The following FZD7 variants were observed in gnomAD, a reference collection of about 807,000 sequenced individuals.
The protein encoded by FZD7 is frizzled class receptor 7, also known as frizzled-7.
A neutral mutation model predicts 39.0 loss-of-function variants in FZD7; 21 were observed. The observed-to-expected ratio is 0.54, with a 90% CI of 0.38 to 0.78. The LOEUF is 0.78. FZD7 is among the 30% of genes least tolerant of loss of function. The pLI is 0.00. For synonymous variants in FZD7, 428 were observed against 364.9 expected, an observed-to-expected ratio of 1.17 and a Z score of -1.97; for missense variants, 695 against 805.0, an observed-to-expected ratio of 0.86 and a Z score of 1.65.
chr2:202,034,721 C>G lies in FZD7; in HGVS notation c.74C>G (p.Ala25Gly), dbSNP rs749235803. ...GCCCTGGTGCTGGCGCTGCTGGGCG[C>G]ACTGTCCGCGGGCGCCGGGGCGCAG... ...LCALVLALLG[A>G]LSAGAGAQPY... Residue 25 changes from alanine to glycine, a missense_variant, in exon 1 of 1, where the codon GCA becomes GGA. Ala to Gly is a moderately conservative substitution (Grantham distance 60). Transcript: ENST00000286201. The G allele has an allele frequency of 1.3e-5, 21 of 1,611,088 alleles. No individual in the cohort carries two copies. The highest frequency in any genetic ancestry group is 1.6e-5 in the Non-Finnish European group (19 of 1,179,670).
At position 202,036,100 on chromosome 2, in the gene FZD7, G is replaced by A; in HGVS notation, c.1453G>A (p.Val485Ile). 1 of 1,613,916 alleles carries A rather than the reference G, an allele frequency of 6.2e-7. No individual in the cohort carries two copies. Among genetic ancestry groups the A allele is most frequent in the Non-Finnish European group, 8.5e-7 (1 of 1,180,030 alleles). ...SVLYTVPATI[V>I]LACYFYEQAF... Reference sequence around the variant, plus strand: ...GCTCTACACAGTGCCCGCCACCATCGTCCTGGCCTGCTACTTCTACGAGCA... The same window carrying A: ...GCTCTACACAGTGCCCGCCACCATCATCCTGGCCTGCTACTTCTACGAGCA... Residue 485 changes from valine to isoleucine, a missense_variant, in exon 1 of 1, where the codon GTC (valine) becomes ATC (isoleucine). By Grantham distance (29) the Val-to-Ile change is conservative. Transcript: ENST00000286201.
rs910921576 is a variant in FZD7 at position 202,033,927 on chromosome 2, C to G, written c.-721C>G. On this transcript the variant is annotated 5_prime_UTR_variant, in exon 1 of 1. Transcript: ENST00000286201. ...CGGGCGCCAGGACTCGCTGCTGGGG[C>G]TGCGAGGGGCTGGAGGGGCCGGGGC... Among the ~76,000 whole-genome samples, 1 of 149,822 alleles carries G rather than the reference C, an allele frequency of 6.7e-6. No individual in the cohort carries two copies. The highest frequency in any genetic ancestry group is 1.5e-5 in the Non-Finnish European group (1 of 67,104).
Position 202,034,631 on chromosome 2 carries a change from T to C in FZD7, c.-17T>C, listed in dbSNP as rs769824991. The stretch of plus-strand genomic sequence containing the variant: ...GCACTCCTCAGGCTGAGAGCACCGC[T>C]GCACTCGCGGCCGGCGATGCGGGAC... On this transcript the variant is annotated 5_prime_UTR_variant, in exon 1 of 1. Coordinates refer to ENST00000286201, the MANE Select transcript of FZD7 (RefSeq NM_003507.2). 7 of 1,536,540 alleles carry C rather than the reference T, an allele frequency of 4.6e-6. No individual in the cohort carries two copies. Among genetic ancestry groups the C allele is most frequent in the African/African-American group, 1.4e-5 (1 of 72,694 alleles).
chr2:202,036,475 C>A lies in FZD7; in HGVS notation c.*103C>A. 3.4e-6 allele frequency: 3 copies of A among 893,128 alleles called. No individual in the cohort carries two copies. The highest frequency in any genetic ancestry group is 1.7e-5 in the South Asian group (1 of 57,232). 55.3% of individuals were successfully genotyped at this position (893,128 alleles called of 1,614,324 possible). A position where few individuals can be genotyped will look rare whatever the true frequency, so the allele number is the denominator to read the frequency against. ...TGGGGGCCTGTTTCTGTAACTTTCT[C>A]CCCCTCTACTGAGAAGTGACCTGGA... On this transcript the variant is annotated 3_prime_UTR_variant, in exon 1 of 1. Coordinates refer to ENST00000286201, the MANE Select transcript of FZD7 (RefSeq NM_003507.2).
rs906022882 is a variant in FZD7 at position 202,038,022 on chromosome 2, C to T, written c.*1650C>T. On this transcript the variant is annotated 3_prime_UTR_variant, in exon 1 of 1. Transcript: ENST00000286201. ...ACCTTTATCCCACCTTTGACACTACCCTCCAATCTTGCAACACTATCCTGT... is the reference window on the plus strand; with the variant it reads ...ACCTTTATCCCACCTTTGACACTACTCTCCAATCTTGCAACACTATCCTGT... 6.0e-6 allele frequency: 1 copy of T among 167,036 alleles called. No individual in the cohort carries two copies. The highest frequency in any genetic ancestry group is 1.5e-5 in the Non-Finnish European group (1 of 68,112). 10.3% of individuals were successfully genotyped at this position (167,036 alleles called of 1,614,324 possible).
In FZD7 at chr2:202,034,278, C is replaced by T. The variant is rs1395913783; in HGVS notation, c.-370C>T. Among the ~76,000 whole-genome samples, 2 of 151,726 alleles carry T rather than the reference C, an allele frequency of 1.3e-5. No homozygotes were observed. The highest frequency in any genetic ancestry group is 2.9e-5 in the Non-Finnish European group (2 of 67,870). The stretch of plus-strand genomic sequence containing the variant: ...GGGGGGCGTGCGCGCTGCGGTGCGC[C>T]GGGGGTCCAGAGTCTTGGGCAAACT... On this transcript the variant is annotated 5_prime_UTR_variant, in exon 1 of 1. Coordinates refer to ENST00000286201, the MANE Select transcript of FZD7 (RefSeq NM_003507.2).
At position 202,034,868 on chromosome 2, in the gene FZD7, C is replaced by A; in HGVS notation, c.221C>A (p.Thr74Lys). ...ATCCTGCCCAACCTGCTGGGCCACA[C>A]GAACCAAGAGGACGCGGGCCTCGAG... ...QTILPNLLGHTNQEDAGLEVH... is the reference protein window; with the variant it reads ...QTILPNLLGHKNQEDAGLEVH... The change falls in exon 1 of 1, where the codon ACG becomes AAG. Residue 74 changes from threonine to lysine, a missense_variant. Coordinates refer to ENST00000286201, the MANE Select transcript of FZD7 (RefSeq NM_003507.2). 1 of 1,614,180 alleles carries A rather than the reference C, an allele frequency of 6.2e-7. No individual in the cohort carries two copies. Among genetic ancestry groups the A allele is most frequent in the African/African-American group, 1.3e-5 (1 of 75,060 alleles).
rs1688722813 is a variant in FZD7, at chr2:202,035,429, C to G, written c.782C>G (p.Ser261Cys). ...GCCCGCCTCTGGGTGGGCGTGTGGT[C>G]CGTGCTGTGCTGCGCCTCGACGCTC... ...RFARLWVGVW[S>C]VLCCASTLFT... The change falls in exon 1 of 1, where the codon TCC becomes TGC. Residue 261 changes from serine to cysteine, a missense_variant. Coordinates refer to ENST00000286201, the MANE Select transcript of FZD7 (RefSeq NM_003507.2). 1.2e-6 allele frequency: 2 copies of G among 1,613,980 alleles called. No homozygotes were observed. Among genetic ancestry groups the G allele is most frequent in the Non-Finnish European group, 8.5e-7 (1 of 1,179,980 alleles).
rs370363821 is a variant in FZD7, at chr2:202,034,482, G to C, written c.-166G>C. 10 of 423,392 alleles carry C rather than the reference G, an allele frequency of 2.4e-5. No homozygotes were observed. In the South Asian group the frequency reaches 3.6e-4, roughly 15 times the overall value. The allele number at this position is 423,392 out of a possible 1,614,324, so 26.2% of individuals were successfully genotyped here. On this transcript the variant is annotated 5_prime_UTR_variant, in exon 1 of 1. Transcript: ENST00000286201. ...CGTCTGCGGCGCCTTCGCGGCGCGG[G>C]CACCCAGGCGGCAGCGCCCTTTGCT...
At position 202,036,602 on chromosome 2, in the gene FZD7, G is replaced by A; in HGVS notation, c.*230G>A. On this transcript the variant is annotated 3_prime_UTR_variant, in exon 1 of 1. Coordinates refer to ENST00000286201, the MANE Select transcript of FZD7 (RefSeq NM_003507.2). ...AAAGATTTCAGGCAAAGACTTGCAG[G>A]AAGATGATGATAACGGCGATGTGAA... is the stretch of plus-strand genomic sequence containing the variant. The A allele has an allele frequency of 1.8e-6, 1 of 562,190 alleles. No individual in the cohort carries two copies. 34.8% of individuals were successfully genotyped at this position (562,190 alleles called of 1,614,324 possible).
Position 202,036,554 on chromosome 2 carries a change from T to A in FZD7, c.*182T>A, listed in dbSNP as rs1239526742. On this transcript the variant is annotated 3_prime_UTR_variant, in exon 1 of 1. Coordinates refer to ENST00000286201, the MANE Select transcript of FZD7 (RefSeq NM_003507.2). ...GAGGGGTGATTTGGAAAAGAAGACC[T>A]GGGTGGAAAGCGGTTTGGATGAAAA... 5.0e-6 allele frequency: 3 copies of A among 600,744 alleles called. No homozygotes were observed. Among genetic ancestry groups the A allele is most frequent in the Non-Finnish European group, 9.0e-6 (3 of 333,978 alleles). 37.2% of individuals were successfully genotyped at this position (600,744 alleles called of 1,614,324 possible). A position where few individuals can be genotyped will look rare whatever the true frequency, so the allele number is the denominator to read the frequency against.
rs1688742127 is a variant in FZD7, at chr2:202,036,344, A to G, written c.1697A>G (p.His566Arg). The change falls in exon 1 of 1, where the codon CAC becomes CGC. Residue 566 changes from histidine (H) to arginine (R), a missense_variant. Transcript: ENST00000286201. ...SWRRFYHRLSHSSKGETAV is the reference protein window; with the variant it reads ...SWRRFYHRLSRSSKGETAV ...CGCCGCTTCTACCACAGACTTAGCC[A>G]CAGCAGCAAGGGGGAGACTGCGGTA... 1.2e-6 allele frequency: 2 copies of G among 1,612,392 alleles called. No homozygotes were observed. Among genetic ancestry groups the G allele is most frequent in the Non-Finnish European group, 1.7e-6 (2 of 1,179,614 alleles).
rs779864644 is a variant in FZD7 at position 202,034,635 on chromosome 2, C to G, written c.-13C>G. On this transcript the variant is annotated 5_prime_UTR_variant, in exon 1 of 1. Coordinates refer to ENST00000286201, the MANE Select transcript of FZD7 (RefSeq NM_003507.2). ...TCCTCAGGCTGAGAGCACCGCTGCA[C>G]TCGCGGCCGGCGATGCGGGACCCCG... 1 of 1,538,912 alleles carries G rather than the reference C, an allele frequency of 6.5e-7. No individual in the cohort carries two copies. The highest frequency in any genetic ancestry group is 2.3e-5 in the East Asian group (1 of 44,308).
In FZD7 at chr2:202,036,116, T is replaced by A; in HGVS notation, c.1469T>A (p.Phe490Tyr). ...VPATIVLACY[F>Y]YEQAFREHWE... is the part of the protein sequence containing the mutation. ...GCCACCATCGTCCTGGCCTGCTACT[T>A]CTACGAGCAGGCCTTCCGCGAGCAC... The change falls in exon 1 of 1, where the codon TTC becomes TAC. Residue 490 changes from phenylalanine (F) to tyrosine (Y), a missense_variant. By Grantham distance (22) the Phe-to-Tyr change is conservative. Coordinates refer to ENST00000286201, the MANE Select transcript of FZD7 (RefSeq NM_003507.2). 1 of 1,613,910 alleles carries A rather than the reference T, an allele frequency of 6.2e-7. No homozygotes were observed. The highest frequency in any genetic ancestry group is 8.5e-7 in the Non-Finnish European group (1 of 1,180,022).
At position 202,038,072 on chromosome 2, in the gene FZD7, A is replaced by C. The variant is rs1195427923; in HGVS notation, c.*1700A>C. 6.0e-6 allele frequency: 1 copy of C among 167,068 alleles called. No homozygotes were observed. Among genetic ancestry groups the C allele is most frequent in the Non-Finnish European group, 1.5e-5 (1 of 68,122 alleles). The allele number at this position is 167,068 out of a possible 1,614,324, so 10.3% of individuals were successfully genotyped here. On this transcript the variant is annotated 3_prime_UTR_variant, in exon 1 of 1. Coordinates refer to ENST00000286201, the MANE Select transcript of FZD7 (RefSeq NM_003507.2). Reference sequence around the variant, plus strand: ...TTTCTCAGAACAGTTTTTAAATGCCAATCATAGAGGGTACTGTAAAGTGTA... The same window carrying C: ...TTTCTCAGAACAGTTTTTAAATGCCCATCATAGAGGGTACTGTAAAGTGTA...
Position 202,034,814 on chromosome 2 carries a change from T to C in FZD7, c.167T>C (p.Leu56Pro). The change falls in exon 1 of 1, where the codon CTG becomes CCG. Residue 56 changes from leucine to proline, a missense_variant. Leu to Pro is a moderately conservative substitution (Grantham distance 98). Coordinates refer to ENST00000286201, the MANE Select transcript of FZD7 (RefSeq NM_003507.2). ...HGFCQPISIP[L>P]CTDIAYNQTI... ...TTCTGCCAGCCCATCTCCATCCCGC[T>C]GTGCACGGACATCGCCTACAACCAG... The C allele has an allele frequency of 1.2e-6, 2 of 1,613,730 alleles. No individual in the cohort carries two copies. Among genetic ancestry groups the C allele is most frequent in the Non-Finnish European group, 8.5e-7 (1 of 1,180,018 alleles).
Position 202,034,637 on chromosome 2 carries a change from C to A in FZD7, c.-11C>A. 1 of 1,539,362 alleles carries A rather than the reference C, an allele frequency of 6.5e-7. No individual in the cohort carries two copies. Among genetic ancestry groups the A allele is most frequent in the Middle Eastern group, 2.4e-4 (1 of 4,144 alleles). Reference sequence around the variant, plus strand: ...CTCAGGCTGAGAGCACCGCTGCACTCGCGGCCGGCGATGCGGGACCCCGGC... The same window carrying A: ...CTCAGGCTGAGAGCACCGCTGCACTAGCGGCCGGCGATGCGGGACCCCGGC... On this transcript the variant is annotated 5_prime_UTR_variant, in exon 1 of 1. Transcript: ENST00000286201.
Position 202,036,008 on chromosome 2 carries a change from T to G in FZD7, c.1361T>G (p.Met454Arg). The G allele has an allele frequency of 6.2e-7, 1 of 1,614,148 alleles. No homozygotes were observed. Among genetic ancestry groups the G allele is most frequent in the Non-Finnish European group, 8.5e-7 (1 of 1,180,010 alleles). ...TCCCTCTTCCGTATCCGCACCATCA[T>G]GAAACACGACGGCACCAAGACCGAG... ...FVSLFRIRTIMKHDGTKTEKL... is the reference protein window; with the variant it reads ...FVSLFRIRTIRKHDGTKTEKL... Residue 454 changes from methionine to arginine, a missense_variant, in exon 1 of 1, where the codon ATG (methionine) becomes AGG (arginine). Physicochemically the swap from Met to Arg is moderately conservative, Grantham distance 91. Coordinates refer to ENST00000286201, the MANE Select transcript of FZD7 (RefSeq NM_003507.2).
In FZD7 at chr2:202,035,581, C is replaced by A. The variant is rs1688725219; in HGVS notation, c.934C>A (p.Arg312Ser). ...CGTGGCCGGCTTCCTTCTAGAGGAC[C>A]GCGCCGTGTGCGTGGAGCGCTTCTC... ...AHVAGFLLED[R>S]AVCVERFSDD... Residue 312 changes from arginine to serine, a missense_variant, in exon 1 of 1, where the codon CGC (arginine) becomes AGC (serine). Arg to Ser is a moderately radical substitution (Grantham distance 110). Coordinates refer to ENST00000286201, the MANE Select transcript of FZD7 (RefSeq NM_003507.2). The A allele has an allele frequency of 1.2e-6, 2 of 1,614,006 alleles. No individual in the cohort carries two copies. The highest frequency in any genetic ancestry group is 1.7e-6 in the Non-Finnish European group (2 of 1,180,034).
Sources: allele counts gnomAD v4.1 joint callset (sites outside exome capture counted in the v4.1 genomes callset), GRCh38; gene constraint gnomAD v4.1.1; transcripts MANE v1.5; gene names NCBI Gene and HGNC (gene_info 2026-07-23, HGNC 2026-07-21).